Variants in AMBRA1 observed in about 807,000 individuals in gnomAD.
AMBRA1 encodes the protein activating molecule in BECN1-regulated autophagy protein 1.
A neutral mutation model predicts 125.4 loss-of-function variants in AMBRA1; 47 were observed. That is an observed-to-expected ratio of 0.37 (90% CI 0.30 to 0.48). The LOEUF (loss-of-function observed/expected upper bound fraction) is 0.48. Ranked by LOEUF, AMBRA1 falls within the 20% of genes least tolerant of loss-of-function variation. The probability of loss-of-function intolerance (pLI) is 0.99; values close to 1 mark genes in which losing one functional copy is unlikely to be tolerated. For synonymous variants in AMBRA1, 626 were observed against 655.5 expected, an observed-to-expected ratio of 0.95 and a Z score of 0.69; for missense variants, 1,331 against 1,693.4, an observed-to-expected ratio of 0.79 and a Z score of 3.76.
At chr11:46,439,914 CTT>C (rs34040432) in intron 12 of AMBRA1, among the ~76,000 whole-genome samples, 16 of 146,970 alleles carry the variant, frequency 1.1e-4, no homozygotes, top group Non-Finnish European at 2.3e-4. Context: ...CCACATACTA[CTT>C]TTTTTTTTTA....
At chr11:46,583,976 G>T (rs2044275810) in intron 1 of AMBRA1, among the ~76,000 whole-genome samples, 1 of 142,832 alleles carries the variant, frequency 7.0e-6, no homozygotes, top group Non-Finnish European at 1.5e-5. Context: ...GATTCCTCAG[G>T]GATCTAGAAC....
chr11:46,427,934 A>T (rs983062879), intron 14 of AMBRA1, among the ~76,000 whole-genome samples: 1 of 145,690 alleles, frequency 6.9e-6, no homozygotes, highest in Non-Finnish European at 1.5e-5. Context: ...ACTTGAACCC[A>T]GGTGGCGGAG....
In AMBRA1 at chr11:46,545,737, T is replaced by C. The variant is rs1952987640; in HGVS notation, c.418A>G (p.Ile140Val). ...ESWFTDSNNA[I>V]ASLAFHPTAQ... Reference sequence around the variant, plus strand: ...GTAGGGTGGAAAGCCAGGGAGGCAATGGCATTGTTGCTATCTGTGAACCAG... The same window carrying C: ...GTAGGGTGGAAAGCCAGGGAGGCAACGGCATTGTTGCTATCTGTGAACCAG... Residue 140 changes from isoleucine to valine, a missense_variant, in exon 5 of 18, where the codon ATT (isoleucine) becomes GTT (valine). By Grantham distance (29) the Ile-to-Val change is conservative. This residue lies in a region of AMBRA1 where 144 missense variants were observed against 250.4 expected (regional missense o/e 0.58). Transcript: ENST00000683756. 3.1e-6 allele frequency: 5 copies of C among 1,614,178 alleles called. No homozygotes were observed. Among genetic ancestry groups the C allele is most frequent in the African/African-American group, 2.7e-5 (2 of 75,042 alleles).
intron 1 of AMBRA1, among the ~76,000 whole-genome samples, chr11:46,570,405 C>A (rs982530576): frequency 1.3e-5 from 2 of 151,564 alleles, no homozygotes; most frequent in African/African-American, 4.8e-5. Context: ...CAGAAAATGA[C>A]AAGTGGAGAT....
At chr11:46,436,477 C>G (rs1476494476) in intron 12 of AMBRA1, among the ~76,000 whole-genome samples, 3 of 152,174 alleles carry the variant, frequency 2.0e-5, no homozygotes, top group African/African-American at 7.2e-5. Context: ...TGTTTGCTAA[C>G]TAATAAAATA....
intron 9 of AMBRA1, among the ~76,000 whole-genome samples, chr11:46,502,065 C>G (rs1950861086): frequency 6.6e-6 from 1 of 151,964 alleles, no homozygotes; most frequent in South Asian, 2.1e-4. Flanking sequence ...TGTCTCTCTC[C>G]AGGTCATTTT....
intron 11 of AMBRA1, among the ~76,000 whole-genome samples, chr11:46,455,659 G>A (rs1948818375): frequency 1.3e-5 from 2 of 152,184 alleles, no homozygotes; most frequent in Admixed American, 1.3e-4. Context: ...ATCCGGCCTG[G>A]TGAGCCTCAG....
chr11:46,432,649 G>A (rs1378513517), intron 14 of AMBRA1, among the ~76,000 whole-genome samples: 1 of 152,148 alleles, frequency 6.6e-6, no homozygotes, highest in Non-Finnish European at 1.5e-5. Flanking sequence ...CGAATTGGGT[G>A]GATTAAACAC....
chr11:46,451,196 G>A (rs1489335594), intron 11 of AMBRA1, among the ~76,000 whole-genome samples: 2 of 152,150 alleles, frequency 1.3e-5, no homozygotes, highest in Non-Finnish European at 2.9e-5. Flanking sequence ...GACAAAACAA[G>A]GAGGAAAAGA....
At chr11:46,535,029 A>G (rs953716442) in intron 7 of AMBRA1, among the ~76,000 whole-genome samples, 4 of 151,998 alleles carry the variant, frequency 2.6e-5, no homozygotes, top group African/African-American at 9.7e-5. Context: ...CTTCCCTTAC[A>G]TCTCTTAAAA....
At chr11:46,569,440 A>AATATATATATATAT (rs1243484151) in intron 1 of AMBRA1, among the ~76,000 whole-genome samples, 5 of 131,364 alleles carry the variant, frequency 3.8e-5, no homozygotes, top group African/African-American at 1.5e-4. Flanking sequence ...AAAAAAAAAA[A>AATATATATATATAT]ATATATATAT....
Position 46,493,509 on chromosome 11 carries a change from G to A in AMBRA1, c.2521+99C>T. 6 of 955,342 alleles carry A rather than the reference G, an allele frequency of 6.3e-6. No individual in the cohort carries two copies. In the South Asian group the frequency reaches 1.0e-4, roughly 16 times the overall value. 59.2% of individuals were successfully genotyped at this position (955,342 alleles called of 1,614,324 possible). A position where few individuals can be genotyped will look rare whatever the true frequency, so the allele number is the denominator to read the frequency against. On this transcript the variant is annotated intron_variant, in intron 11 of 17. Coordinates refer to ENST00000683756, the MANE Select transcript of AMBRA1 (RefSeq NM_001387011.1). ...CCCAAAATAGAATTTTCAGACAGAT[G>A]CCAAGACACCATCACATCAACATAG...
intron 11 of AMBRA1, among the ~76,000 whole-genome samples, chr11:46,479,071 TGCAGTA>T (rs1383520081): frequency 6.6e-6 from 1 of 151,934 alleles, no homozygotes; most frequent in African/African-American, 2.4e-5. Flanking sequence ...TGGTGGCATG[TGCAGTA>T]GTCTCGGTTA....
intron 11 of AMBRA1, among the ~76,000 whole-genome samples, chr11:46,474,089 A>G (rs990457472): frequency 1.1e-4 from 16 of 152,076 alleles, no homozygotes; most frequent in African/African-American, 3.6e-4. Flanking sequence ...TGAAAATAGG[A>G]CTATATTACT....
At chr11:46,429,191 C>G (rs561706458) in intron 14 of AMBRA1, 1 of 1,476,558 alleles carries the variant, frequency 6.8e-7, no homozygotes, top group African/African-American at 1.4e-5. Context: ...TCCTCCCCCT[C>G]TCCCTCGGAC....
chr11:46,444,809 A>C (rs958352320), intron 11 of AMBRA1, among the ~76,000 whole-genome samples: 2 of 152,204 alleles, frequency 1.3e-5, no homozygotes, highest in Non-Finnish European at 2.9e-5. Flanking sequence ...GTTCAAAGAG[A>C]AAACCTTCAT....
chr11:46,559,276 A>G (rs1432713000), intron 1 of AMBRA1, among the ~76,000 whole-genome samples: 1 of 151,800 alleles, frequency 6.6e-6, no homozygotes, highest in Non-Finnish European at 1.5e-5. Context: ...CTCCGCCTGG[A>G]TGACAGAGTG....
chr11:46,481,522 C>T (rs1950068971), intron 11 of AMBRA1, among the ~76,000 whole-genome samples: 1 of 152,152 alleles, frequency 6.6e-6, no homozygotes, highest in Non-Finnish European at 1.5e-5. Flanking sequence ...CGTCACCATG[C>T]CTGGCTAATT....
At chr11:46,480,670 T>G (rs1453207643) in intron 11 of AMBRA1, among the ~76,000 whole-genome samples, 1 of 152,222 alleles carries the variant, frequency 6.6e-6, no homozygotes, top group African/African-American at 2.4e-5. Flanking sequence ...TTGCTGAAGT[T>G]TAACCAAAGT....
Sources: allele counts gnomAD v4.1 joint callset (sites outside exome capture counted in the v4.1 genomes callset), GRCh38; gene constraint gnomAD v4.1.1; regional missense constraint gnomAD v4.1.1; transcripts MANE v1.5; gene names NCBI Gene and HGNC (gene_info 2026-07-23, HGNC 2026-07-21).